The following DNAH9 variants were observed in gnomAD, a reference collection of about 807,000 sequenced individuals.
The protein encoded by DNAH9 is DNAH9 variant protein.
A neutral mutation model predicts 471.6 loss-of-function variants in DNAH9; 345 were observed. The ratio of observed to expected loss-of-function variants is 0.73; its 90% CI spans 0.67 to 0.80. DNAH9 has a LOEUF of 0.80. DNAH9 is among the 30% of genes least tolerant of loss of function. DNAH9 has a pLI of 0.00. For missense variants in DNAH9, 5,407 were observed against 5,609.2 expected, an observed-to-expected ratio of 0.96 and a Z score of 1.15; for synonymous variants, 2,093 against 2,123.6, an observed-to-expected ratio of 0.99 and a Z score of 0.40.
At chr17:11,801,466 G>C (rs1051870817) in intron 43 of DNAH9, among the ~76,000 whole-genome samples, 1 of 152,174 alleles carries the variant, frequency 6.6e-6, no homozygotes, top group Non-Finnish European at 1.5e-5. Context: ...GATGCGGGTG[G>C]ATCACCTGAG....
intron 35 of DNAH9, among the ~76,000 whole-genome samples, chr17:11,761,369 G>T (rs752623341): frequency 6.6e-6 from 1 of 152,186 alleles, no homozygotes; most frequent in East Asian, 1.9e-4. Flanking sequence ...CTGACCCATC[G>T]CTGTAAAAGC....
intron 2 of DNAH9, among the ~76,000 whole-genome samples, chr17:11,609,888 G>C (rs2072594909): frequency 6.6e-6 from 1 of 152,198 alleles, no homozygotes; most frequent in Non-Finnish European, 1.5e-5. Context: ...TTGCTGCACA[G>C]GTCAGAGCTA....
At chr17:11,943,572 G>A (rs1975014571) in intron 67 of DNAH9, among the ~76,000 whole-genome samples, 1 of 152,104 alleles carries the variant, frequency 6.6e-6, no homozygotes, top group African/African-American at 2.4e-5. Context: ...AGTTGCTGGG[G>A]AGGCTGAGGC....
Position 11,899,303 on chromosome 17 carries a change from T to C in DNAH9, c.11407-3416T>C, listed in dbSNP as rs551855566. On this transcript the variant is annotated intron_variant, in intron 59 of 68. Coordinates refer to ENST00000262442, the MANE Select transcript of DNAH9 (RefSeq NM_001372.4). ...TGATAAAATACTGCTTTTATTAATATCCTTTGTAAGGGTTTTTTAGGTCCC... is the reference window on the plus strand; with the variant it reads ...TGATAAAATACTGCTTTTATTAATACCCTTTGTAAGGGTTTTTTAGGTCCC... 3.9e-5 allele frequency among the ~76,000 whole-genome samples: 6 copies of C among 152,304 alleles called. No individual in the cohort carries two copies. The East Asian group carries it at 1.2e-3, about 29-fold the overall frequency.
intron 19 of DNAH9, among the ~76,000 whole-genome samples, chr17:11,685,259 A>C (rs556120540): frequency 3.9e-5 from 6 of 152,290 alleles, no homozygotes; most frequent in East Asian, 3.9e-4. Flanking sequence ...GGGAAAAAAA[A>C]CAGTTACAAA....
chr17:11,747,280 C>A (rs980784784), intron 31 of DNAH9, among the ~76,000 whole-genome samples: 3 of 152,170 alleles, frequency 2.0e-5, no homozygotes, highest in Non-Finnish European at 4.4e-5. Flanking sequence ...ACTATAAGAT[C>A]ACAGAGGGCA....
intron 36 of DNAH9, among the ~76,000 whole-genome samples, chr17:11,767,188 C>T (rs1031997868): frequency 6.6e-6 from 1 of 152,102 alleles, no homozygotes; most frequent in Non-Finnish European, 1.5e-5. Context: ...ACAAGACCCA[C>T]CCTTCCTTCC....
intron 14 of DNAH9, among the ~76,000 whole-genome samples, chr17:11,662,221 C>A (rs8069175): frequency 0.97 from 147,223 of 152,266 alleles, 71,308 homozygotes; most frequent in Non-Finnish European, 1. Context: ...TCTCAGGCTG[C>A]TTTTACTAGA....
chr17:11,792,479 T>C (rs920404580), intron 41 of DNAH9, among the ~76,000 whole-genome samples: 1 of 152,224 alleles, frequency 6.6e-6, no homozygotes. Context: ...GTTGAGGTTA[T>C]TGAGGGGCTC....
rs141388035 is a variant in DNAH9 at position 11,693,993 on chromosome 17, G to C, written c.4740G>C (p.Gln1580His). The change falls in exon 21 of 69, where the codon CAG becomes CAC. Residue 1580 changes from glutamine to histidine, a missense_variant. By Grantham distance (24) the Gln-to-His change is conservative (BLOSUM62 0). Coordinates refer to ENST00000262442, the MANE Select transcript of DNAH9 (RefSeq NM_001372.4). ...PGLYEKLEDI[Q>H]GRLCLCEKAL... Reference sequence around the variant, plus strand: ...TGTATGAAAAGCTGGAGGATATTCAGGGCAGGTGAGGGTCCGCCCATTACC... The same window carrying C: ...TGTATGAAAAGCTGGAGGATATTCACGGCAGGTGAGGGTCCGCCCATTACC... 197 of 1,613,844 alleles carry C rather than the reference G, an allele frequency of 1.2e-4. No homozygotes were observed. The African/African-American group carries it at 1.7e-3, about 14-fold the overall frequency.
intron 46 of DNAH9, 82 bp from the exon 47 acceptor site, chr17:11,822,356 A>G (rs745315922): frequency 1.3e-5 from 20 of 1,499,730 alleles, no homozygotes; most frequent in Non-Finnish European, 1.8e-5. Flanking sequence ...TCTGGGAGCT[A>G]GAGAACCCAA....
At chr17:11,769,354 T>G (rs985249288) in intron 38 of DNAH9, 25 bp downstream of exon 38, 18 of 1,586,090 alleles carry the variant, frequency 1.1e-5, no homozygotes, top group Non-Finnish European at 1.5e-5. Context: ...GCACCTGGGG[T>G]GGGGGGCATC....
intron 12 of DNAH9, among the ~76,000 whole-genome samples, chr17:11,648,847 C>T (rs1292458453): frequency 1.3e-5 from 2 of 151,970 alleles, no homozygotes; most frequent in African/African-American, 4.8e-5. Flanking sequence ...TGAACAGGGC[C>T]GGGCGTGGTG....
At chr17:11,797,857 T>C in intron 43 of DNAH9, 64 bp downstream of exon 43, 1 of 1,528,800 alleles carries the variant, frequency 6.5e-7, no homozygotes, top group South Asian at 1.3e-5. Flanking sequence ...AGGGGTCTCA[T>C]TCGGCTATTT....
At chr17:11,959,478 C>T (rs562724292) in intron 67 of DNAH9, among the ~76,000 whole-genome samples, 5 of 152,198 alleles carry the variant, frequency 3.3e-5, no homozygotes, top group South Asian at 4.2e-4. Context: ...TGAGGAAGAC[C>T]GTATTGTCTC....
chr17:11,742,538 A>C (rs1440905688), intron 30 of DNAH9, among the ~76,000 whole-genome samples: 1 of 152,306 alleles, frequency 6.6e-6, no homozygotes, highest in Non-Finnish European at 1.5e-5. Flanking sequence ...ATTTTGTAAT[A>C]GAATACTTAG....
intron 43 of DNAH9, among the ~76,000 whole-genome samples, chr17:11,804,837 G>A (rs993784224): frequency 1.2e-4 from 18 of 150,478 alleles, no homozygotes; most frequent in Non-Finnish European, 2.1e-4. Context: ...TCGCGCCACT[G>A]TACTCCAGCC....
intron 59 of DNAH9, among the ~76,000 whole-genome samples, chr17:11,899,707 A>C (rs1448327551): frequency 6.6e-6 from 1 of 152,190 alleles, no homozygotes; most frequent in Non-Finnish European, 1.5e-5. Flanking sequence ...ATAATGATGC[A>C]AACTGGGAAG....
At chr17:11,599,049 A>G (rs778264245) in intron 1 of DNAH9, 134 bp downstream of exon 1, 11 of 724,686 alleles carry the variant, frequency 1.5e-5, no homozygotes, top group Non-Finnish European at 1.9e-5. Flanking sequence ...AGTGATAGGC[A>G]GAGGGGCGAG....
Sources: gnomAD v4.1 joint callset for allele counts (sites outside exome capture counted in the v4.1 genomes callset) on GRCh38, gnomAD v4.1.1 for gene constraint, MANE v1.5 for transcripts, NCBI Gene and HGNC (gene_info 2026-07-23, HGNC 2026-07-21) for gene names.